ENTREP2: variants seen among roughly 807,000 people sequenced by gnomAD.
The protein encoded by ENTREP2 is protein ENTREP2.
the ENTREP2 span, among the ~76,000 whole-genome samples, chr15:29,621,015 G>T: frequency 6.6e-6 from 1 of 152,114 alleles, no homozygotes; most frequent in African/African-American, 2.4e-5. Flanking sequence ...GTCTCATCGT[G>T]CTGCTCTCCC....
chr15:29,241,010 C>T, the ENTREP2 span, among the ~76,000 whole-genome samples: 2 of 152,196 alleles, frequency 1.3e-5, no homozygotes, highest in South Asian at 2.1e-4. Context: ...GTGTTAAATA[C>T]GTATCTTTTA....
the ENTREP2 span, among the ~76,000 whole-genome samples, chr15:29,125,525 G>A: frequency 8.5e-5 from 13 of 152,214 alleles, no homozygotes; most frequent in South Asian, 2.5e-3. Context: ...CCATCGAGGG[G>A]AGACTGAGCC....
chr15:29,668,232 C>T, the ENTREP2 span, among the ~76,000 whole-genome samples: 1 of 152,200 alleles, frequency 6.6e-6, no homozygotes, highest in Non-Finnish European at 1.5e-5. Context: ...CTCTAGGCCT[C>T]CACTGCATTG....
At chr15:29,219,482 G>A in the ENTREP2 span, among the ~76,000 whole-genome samples, 5 of 151,276 alleles carry the variant, frequency 3.3e-5, no homozygotes, top group African/African-American at 1.2e-4. Context: ...TCTATGCAGA[G>A]GAAAAGAAGT....
chr15:29,174,799 C>T, the ENTREP2 span, among the ~76,000 whole-genome samples: 1 of 152,126 alleles, frequency 6.6e-6, no homozygotes, highest in African/African-American at 2.4e-5. Context: ...GAACTTTTCC[C>T]TGCCTAAGGT....
chr15:29,220,186 T>G, the ENTREP2 span, among the ~76,000 whole-genome samples: 2 of 151,942 alleles, frequency 1.3e-5, no homozygotes, highest in Non-Finnish European at 2.9e-5. Flanking sequence ...GGCTCAGGGG[T>G]CTGCGTGGGC....
chr15:29,204,187 G>C, the ENTREP2 span, among the ~76,000 whole-genome samples: 1 of 152,174 alleles, frequency 6.6e-6, no homozygotes, highest in Admixed American at 6.5e-5. Flanking sequence ...CGACACCGCA[G>C]AGCTTTGCAA....
the ENTREP2 span, among the ~76,000 whole-genome samples, chr15:29,492,611 A>G: frequency 6.6e-6 from 1 of 152,234 alleles, no homozygotes; most frequent in Non-Finnish European, 1.5e-5. Flanking sequence ...TGTTAAACAT[A>G]TTAATATAGA....
the ENTREP2 span, among the ~76,000 whole-genome samples, chr15:29,244,249 A>T: frequency 0.5 from 75,817 of 152,072 alleles, 20,644 homozygotes; most frequent in South Asian, 0.62. Context: ...CATCTTGATT[A>T]AAAAAAATCT....
At chr15:29,451,474 T>A in the ENTREP2 span, among the ~76,000 whole-genome samples, 4 of 151,644 alleles carry the variant, frequency 2.6e-5, no homozygotes, top group African/African-American at 9.7e-5. Flanking sequence ...AGAGCTCATG[T>A]CGGGGGCGCG....
the ENTREP2 span, among the ~76,000 whole-genome samples, chr15:29,426,846 A>G: frequency 6.6e-6 from 1 of 152,210 alleles, no homozygotes; most frequent in Non-Finnish European, 1.5e-5. Flanking sequence ...TCAAAATGCT[A>G]TGCACACTGG....
At chr15:29,401,099 C>T in the ENTREP2 span, among the ~76,000 whole-genome samples, 2 of 152,328 alleles carry the variant, frequency 1.3e-5, no homozygotes, top group East Asian at 1.9e-4. Context: ...GGAGCCACCC[C>T]AGCTGACCTG....
the ENTREP2 span, among the ~76,000 whole-genome samples, chr15:29,140,911 C>T: frequency 1.4e-4 from 22 of 152,224 alleles, no homozygotes; most frequent in African/African-American, 5.3e-4. Flanking sequence ...GTGTCTGGTG[C>T]CCAGCTGGGG....
the ENTREP2 span, among the ~76,000 whole-genome samples, chr15:29,338,525 A>G: frequency 7.6e-4 from 116 of 152,158 alleles, no homozygotes; most frequent in African/African-American, 2.7e-3. Context: ...CACAGCCTGA[A>G]CAAAGAGCAC....
the ENTREP2 span, among the ~76,000 whole-genome samples, chr15:29,566,915 G>A: frequency 1.3e-5 from 2 of 149,524 alleles, no homozygotes; most frequent in African/African-American, 5.0e-5. Flanking sequence ...ACCAACATAT[G>A]TAACTGGTAA....
At chr15:29,159,323 G>C in the ENTREP2 span, among the ~76,000 whole-genome samples, 3 of 152,274 alleles carry the variant, frequency 2.0e-5, no homozygotes, top group South Asian at 6.2e-4. Flanking sequence ...CAGGAGTGAA[G>C]CTGCAGACCT....
the ENTREP2 span, chr15:29,124,649 A>G: frequency 1.4e-5 from 21 of 1,528,096 alleles, no homozygotes; most frequent in Non-Finnish European, 1.9e-5. Flanking sequence ...ACCTCCCAGC[A>G]GGCGCAGTCA....
At chr15:29,616,062 T>C in the ENTREP2 span, among the ~76,000 whole-genome samples, 15 of 152,224 alleles carry the variant, frequency 9.9e-5, no homozygotes, top group African/African-American at 3.6e-4. Flanking sequence ...TAACAGTGTC[T>C]GTTGGAGGAT....
the ENTREP2 span, among the ~76,000 whole-genome samples, chr15:29,469,264 A>C: frequency 6.6e-6 from 1 of 152,198 alleles, no homozygotes; most frequent in Non-Finnish European, 1.5e-5. Flanking sequence ...CAGTGGCGTG[A>C]TCTGGGCTCA....
Sources: allele counts gnomAD v4.1 joint callset (sites outside exome capture counted in the v4.1 genomes callset), GRCh38; gene constraint gnomAD v4.1.1; transcripts MANE v1.5; gene names NCBI Gene and HGNC (gene_info 2026-07-23, HGNC 2026-07-21).